CBFA2T2: variants seen among roughly 807,000 people sequenced by gnomAD.
CBFA2T2 encodes CBFA2/RUNX1 partner transcriptional co-repressor 2.
In CBFA2T2, 11 loss-of-function variants were observed where a neutral mutation model predicts 62.2. The observed-to-expected ratio is 0.18, with a 90% CI of 0.11 to 0.29. The LOEUF (loss-of-function observed/expected upper bound fraction) is 0.29. CBFA2T2 is among the 10% of genes least tolerant of loss of function. The pLI, the probability that CBFA2T2 is intolerant of heterozygous loss-of-function variation, is 1.00. For synonymous variants in CBFA2T2, 295 were observed against 287.5 expected (o/e 1.03, Z -0.27); for missense variants, 592 against 774.1 (o/e 0.76, Z 2.79).
At chr20:33,551,928 T>C (rs1287358858) in intron 1 of CBFA2T2, among the ~76,000 whole-genome samples, 2 of 152,196 alleles carry the variant, frequency 1.3e-5, no homozygotes, top group East Asian at 1.9e-4. Context: ...CCTTTTTTTT[T>C]CTGCTTACGT....
intron 1 of CBFA2T2, chr20:33,562,606 T>C (rs2013129831): frequency 2.0e-6 from 2 of 985,666 alleles, no homozygotes; most frequent in Non-Finnish European, 2.4e-6. Flanking sequence ...AGAGGAGCTT[T>C]GGAATATCTA....
At chr20:33,616,816 TTCCCTCAGCATC>T (rs1025149066) in intron 3 of CBFA2T2, among the ~76,000 whole-genome samples, 4 of 152,114 alleles carry the variant, frequency 2.6e-5, no homozygotes, top group African/African-American at 9.7e-5. Context: ...AGAGACCAGA[TTCCCTCAGCATC>T]TTACCTCTCA....
chr20:33,617,745 CAG>C (rs1487097503), intron 3 of CBFA2T2, among the ~76,000 whole-genome samples: 1 of 152,150 alleles, frequency 6.6e-6, no homozygotes, highest in African/African-American at 2.4e-5. Flanking sequence ...ATACTTAAAA[CAG>C]ATATAACGTT....
At chr20:33,562,435 AG>A (rs1333893813) in intron 1 of CBFA2T2, 18 of 985,794 alleles carry the variant, frequency 1.8e-5, no homozygotes, top group Non-Finnish European at 2.2e-5. Context: ...TCTGTTTGGC[AG>A]GACCTTCCCA....
At chr20:33,549,720 C>T (rs2012681100) in intron 1 of CBFA2T2, among the ~76,000 whole-genome samples, 2 of 152,090 alleles carry the variant, frequency 1.3e-5, no homozygotes, top group Admixed American at 1.3e-4. Flanking sequence ...ATTTTATGGT[C>T]TGTATATTAT....
intron 1 of CBFA2T2, among the ~76,000 whole-genome samples, chr20:33,533,294 C>T (rs2012111335): frequency 1.3e-5 from 2 of 152,146 alleles, no homozygotes; most frequent in African/African-American, 4.8e-5. Context: ...TCCCATGCTC[C>T]CCCTGCCCTG....
intron 1 of CBFA2T2, among the ~76,000 whole-genome samples, chr20:33,545,009 A>ACAGAACAGAACAGAACAGAACAGAAC (rs2012508074): frequency 6.6e-6 from 1 of 150,666 alleles, no homozygotes; most frequent in African/African-American, 2.4e-5. Flanking sequence ...ATAGAATAGA[A>ACAGAACAGAACAGAACAGAACAGAAC]TAGAACAGAA....
At chr20:33,586,246 T>C (rs1250874901) in intron 1 of CBFA2T2, among the ~76,000 whole-genome samples, 2 of 152,014 alleles carry the variant, frequency 1.3e-5, no homozygotes, top group Non-Finnish European at 2.9e-5. Context: ...TGGCACAATA[T>C]CAGCTCATTG....
At chr20:33,600,640 A>G (rs943411648) in intron 1 of CBFA2T2, among the ~76,000 whole-genome samples, 6 of 152,090 alleles carry the variant, frequency 3.9e-5, no homozygotes, top group Admixed American at 6.6e-5. Context: ...ACTATATCCC[A>G]TGTGCTACCT....
chr20:33,636,954 G>T (rs1246450006), intron 9 of CBFA2T2, among the ~76,000 whole-genome samples: 1 of 152,182 alleles, frequency 6.6e-6, no homozygotes, highest in Non-Finnish European at 1.5e-5. Context: ...CTTCCACTGG[G>T]TCACGCTGAG....
chr20:33,569,415 A>G (rs2013459932), intron 1 of CBFA2T2, among the ~76,000 whole-genome samples: 1 of 152,204 alleles, frequency 6.6e-6, no homozygotes, highest in Non-Finnish European at 1.5e-5. Flanking sequence ...GATGTTTTAG[A>G]CTTCTTTCTT....
rs1158526275 is a variant in CBFA2T2, at chr20:33,618,777, A to G, written c.421-740A>G. Among the ~76,000 whole-genome samples the G allele has an allele frequency of 2.0e-5, 3 of 152,214 alleles. No individual in the cohort carries two copies. The East Asian group carries it at 5.8e-4, about 29-fold the overall frequency. ...TGGGTTACTGAGTCCAAAATGTCTT[A>G]GAGTTGACATCCTAGGCCAAGTCAT... On this transcript the variant is annotated intron_variant, in intron 3 of 10. Coordinates refer to ENST00000342704, the MANE Select transcript of CBFA2T2 (RefSeq NM_001032999.3).
At chr20:33,617,971 T>A (rs985479427) in intron 3 of CBFA2T2, among the ~76,000 whole-genome samples, 1 of 152,302 alleles carries the variant, frequency 6.6e-6, no homozygotes, top group East Asian at 1.9e-4. Context: ...ATATATGATA[T>A]AATATGCATG....
At chr20:33,567,049 G>T (rs1264682995) in intron 1 of CBFA2T2, among the ~76,000 whole-genome samples, 3 of 152,202 alleles carry the variant, frequency 2.0e-5, no homozygotes, top group Non-Finnish European at 1.5e-5. Context: ...GGAATTAGTG[G>T]TGGTTGTATC....
At position 33,494,243 on chromosome 20, in the gene CBFA2T2, G is replaced by GTGTATATATATATATA. The variant is rs1491431819; in HGVS notation, c.34+3943_34+3944insGTATATATATATATAT. On this transcript the variant is annotated intron_variant, in intron 1 of 10. Coordinates refer to ENST00000342704, the MANE Select transcript of CBFA2T2 (RefSeq NM_001032999.3). The stretch of plus-strand genomic sequence containing the variant: ...TACTATGTATTAGGCATATATATGT[G>GTGTATATATATATATA]TATATATATATATATATATATATAT... 5.6e-4 allele frequency among the ~76,000 whole-genome samples: 17 copies of GTGTATATATATATATA among 30,320 alleles called. No homozygotes were observed. The Admixed American group carries it at 7.5e-3, about 13-fold the overall frequency. The allele number at this position is 30,320 out of a possible 152,430, so 19.9% of individuals were successfully genotyped here. A position where few individuals can be genotyped will look rare whatever the true frequency, so the allele number is the denominator to read the frequency against.
intron 3 of CBFA2T2, 83 bp from the exon 4 acceptor site, chr20:33,619,432 TAA>T (rs113267413): frequency 4.0e-3 from 2,051 of 508,370 alleles, no homozygotes; most frequent in Middle Eastern, 7.0e-3. Context: ...TAAATAACAT[TAA>T]AAAAAAAAAA....
At chr20:33,581,469 T>G (rs1196071361) in intron 1 of CBFA2T2, among the ~76,000 whole-genome samples, 1 of 151,416 alleles carries the variant, frequency 6.6e-6, no homozygotes, top group Non-Finnish European at 1.5e-5. Flanking sequence ...AGGTTTTTTG[T>G]TTTTTGTTCT....
intron 1 of CBFA2T2, among the ~76,000 whole-genome samples, chr20:33,593,274 G>A (rs1204207897): frequency 1.3e-5 from 2 of 152,022 alleles, no homozygotes; most frequent in African/African-American, 4.8e-5. Flanking sequence ...AAAGGTTGCA[G>A]TGAGCCGAGA....
At chr20:33,522,258 G>T (rs1239763341) in intron 1 of CBFA2T2, among the ~76,000 whole-genome samples, 1 of 148,164 alleles carries the variant, frequency 6.7e-6, no homozygotes, top group African/African-American at 2.5e-5. Flanking sequence ...TTGGAGAATT[G>T]GGTTAAAATT....
Sources: gnomAD v4.1 joint callset for allele counts (sites outside exome capture counted in the v4.1 genomes callset) on GRCh38, gnomAD v4.1.1 for gene constraint, MANE v1.5 for transcripts, NCBI Gene and HGNC (gene_info 2026-07-23, HGNC 2026-07-21) for gene names.